SCN8A: variants seen among roughly 807,000 people sequenced by gnomAD.
SCN8A encodes the protein sodium voltage-gated channel alpha subunit 8.
In SCN8A, 30 loss-of-function variants were observed where a neutral mutation model predicts 184.1. The observed-to-expected ratio is 0.16, with a 90% CI of 0.12 to 0.22. The LOEUF (loss-of-function observed/expected upper bound fraction) is 0.22. Ranked by LOEUF, SCN8A falls within the 10% of genes least tolerant of loss-of-function variation. SCN8A has a pLI of 1.00. For synonymous variants in SCN8A, 852 were observed against 907.0 expected (o/e 0.94, Z 1.09); for missense variants, 1,057 against 2,498.9 (o/e 0.42, Z 12.30).
intron 12 of SCN8A, among the ~76,000 whole-genome samples, chr12:51,740,554 A>T (rs188597367): frequency 1.7e-4 from 26 of 152,292 alleles, no homozygotes; most frequent in Admixed American, 1.2e-3. Flanking sequence ...TTTAAGACTT[A>T]TTTGTGACCT....
At chr12:51,695,963 G>T (rs919455169) in intron 6 of SCN8A, among the ~76,000 whole-genome samples, 7 of 152,178 alleles carry the variant, frequency 4.6e-5, no homozygotes, top group African/African-American at 1.7e-4. Context: ...CACTTATGTG[G>T]ACCTGGAACT....
intron 2 of SCN8A, among the ~76,000 whole-genome samples, chr12:51,679,139 A>G (rs1941281050): frequency 1.3e-5 from 2 of 152,072 alleles, no homozygotes; most frequent in African/African-American, 2.4e-5. Flanking sequence ...GCTCACAGCT[A>G]TAATCATAAT....
Position 51,689,014 on chromosome 12 carries a change from A to G in SCN8A, c.624A>G (p.Thr208=), listed in dbSNP as rs776597416. The change falls in exon 6 of 27, where the codon ACA becomes ACG. Residue 208 remains threonine (T), a synonymous_variant. Transcript: ENST00000627620. ...DFSVIMMAYV[T]EFVDLGNVSA... ...ACCTCCCTTACTACAGATATGTGAC[A>G]GAGTTTGTGGACCTGGGCAATGTCT... is the stretch of plus-strand genomic sequence containing the variant. 10 of 1,613,848 alleles carry G rather than the reference A, an allele frequency of 6.2e-6. No individual in the cohort carries two copies. In the South Asian group the frequency reaches 9.9e-5, roughly 16 times the overall value.
At chr12:51,699,828 G>C in intron 7 of SCN8A, 37 bp downstream of exon 7, 1 of 1,537,022 alleles carries the variant, frequency 6.5e-7, no homozygotes, top group Non-Finnish European at 8.9e-7. Context: ...AATAGGAAAA[G>C]TCTATTCCTA....
chr12:51,622,566 T>C (rs952785985), intron 1 of SCN8A, among the ~76,000 whole-genome samples: 1 of 152,210 alleles, frequency 6.6e-6, no homozygotes, highest in Admixed American at 6.5e-5. Context: ...ACTGGGGTTA[T>C]GGATTTTTGG....
Position 51,611,405 on chromosome 12 carries a change from G to A in SCN8A, c.-55+20046G>A, listed in dbSNP as rs151176985. Among the ~76,000 whole-genome samples the A allele has an allele frequency of 7.4e-3, 1,126 of 152,148 alleles. 14 individuals are homozygous for A. The highest frequency in any genetic ancestry group is 0.022 in the African/African-American group (933 of 41,506). The stretch of plus-strand genomic sequence containing the variant: ...GTCTCGATCTCCTGACCTTGTGATC[G>A]CCTTCCTCAGCCTCCCAAAGTGCTG... On this transcript the variant is annotated intron_variant, in intron 1 of 26. Coordinates refer to ENST00000627620, the MANE Select transcript of SCN8A (RefSeq NM_001330260.2).
chr12:51,749,069 C>T (rs919217145), intron 13 of SCN8A, among the ~76,000 whole-genome samples: 1 of 152,212 alleles, frequency 6.6e-6, no homozygotes, highest in African/African-American at 2.4e-5. Context: ...ACCCATTCCC[C>T]CAAGCCAAAT....
intron 4 of SCN8A, 146 bp downstream of exon 4, chr12:51,686,603 G>A (rs1941424806): frequency 1.6e-6 from 1 of 630,734 alleles, no homozygotes; most frequent in South Asian, 2.0e-5. Context: ...AGTACATGTG[G>A]AATTTAGGAA....
chr12:51,711,463 C>G (rs1024855081), intron 11 of SCN8A, among the ~76,000 whole-genome samples: 2 of 152,134 alleles, frequency 1.3e-5, no homozygotes, highest in African/African-American at 4.8e-5. Context: ...CTGAGGAAAT[C>G]GAGGCCTAGA....
chr12:51,690,222 G>C (rs142032918), intron 6 of SCN8A, among the ~76,000 whole-genome samples: 4 of 152,182 alleles, frequency 2.6e-5, no homozygotes, highest in Admixed American at 2.6e-4. Flanking sequence ...GGAAGACTCC[G>C]TAGAGACCAG....
intron 11 of SCN8A, among the ~76,000 whole-genome samples, chr12:51,719,932 C>T (rs533833702): frequency 1.3e-5 from 2 of 151,508 alleles, no homozygotes; most frequent in South Asian, 4.2e-4. Flanking sequence ...AAAAATTAGC[C>T]GGGCGTGGTA....
At chr12:51,626,435 T>C (rs1940079415) in intron 1 of SCN8A, among the ~76,000 whole-genome samples, 2 of 152,194 alleles carry the variant, frequency 1.3e-5, no homozygotes, top group African/African-American at 4.8e-5. Context: ...TACCTACCAG[T>C]TGAATTATTT....
At position 51,662,113 on chromosome 12, in the gene SCN8A, T is replaced by C. The variant is rs116073735; in HGVS notation, c.-54-651T>C. ...TTTCTAGTTGCTAAGCAGGTGGCAC[T>C]TAGAACAGTATCTGCCCTCTGAGCT... is the stretch of plus-strand genomic sequence containing the variant. On this transcript the variant is annotated intron_variant, in intron 1 of 26. Transcript: ENST00000627620. 5.8e-3 allele frequency among the ~76,000 whole-genome samples: 885 copies of C among 152,330 alleles called. 5 individuals are homozygous for C. Among genetic ancestry groups the C allele is most frequent in the African/African-American group, 0.02 (823 of 41,574 alleles).
intron 22 of SCN8A, among the ~76,000 whole-genome samples, chr12:51,788,339 A>C (rs1251428695): frequency 7.8e-6 from 1 of 128,644 alleles, no homozygotes; most frequent in Non-Finnish European, 1.5e-5. Flanking sequence ...ATGATTCCTC[A>C]GTGGAATGGA....
At chr12:51,663,780 G>T (rs1177902363) in intron 2 of SCN8A, among the ~76,000 whole-genome samples, 1 of 152,012 alleles carries the variant, frequency 6.6e-6, no homozygotes, top group Non-Finnish European at 1.5e-5. Context: ...ACTTTCTCAT[G>T]ATTATCTTCT....
At chr12:51,781,384 A>G (rs1266558264) in intron 21 of SCN8A, among the ~76,000 whole-genome samples, 3 of 152,106 alleles carry the variant, frequency 2.0e-5, no homozygotes, top group African/African-American at 2.4e-5. Context: ...TCTGATAGCA[A>G]AGCTTTTTTC....
chr12:51,697,781 G>A (rs1370824693), intron 6 of SCN8A, among the ~76,000 whole-genome samples: 1 of 152,140 alleles, frequency 6.6e-6, no homozygotes, highest in Non-Finnish European at 1.5e-5. Flanking sequence ...GACAATAATG[G>A]TCAACATTTG....
chr12:51,636,917 A>G (rs915911409), intron 1 of SCN8A, among the ~76,000 whole-genome samples: 1 of 152,238 alleles, frequency 6.6e-6, no homozygotes, highest in Non-Finnish European at 1.5e-5. Context: ...TAATTTGCAG[A>G]TACTGCATTT....
intron 1 of SCN8A, among the ~76,000 whole-genome samples, chr12:51,615,780 C>T (rs1442302735): frequency 1.3e-5 from 2 of 152,070 alleles, no homozygotes; most frequent in African/African-American, 4.8e-5. Flanking sequence ...TGCAGTGGTA[C>T]AATCGTAGCT....
Sources: gnomAD v4.1 joint callset for allele counts (sites outside exome capture counted in the v4.1 genomes callset) on GRCh38, gnomAD v4.1.1 for gene constraint, MANE v1.5 for transcripts, NCBI Gene and HGNC (gene_info 2026-07-23, HGNC 2026-07-21) for gene names.